The following NEIL3 variants were observed in gnomAD, a reference collection of about 807,000 sequenced individuals.
NEIL3 encodes the protein endonuclease 8-like 3.
NEIL3 carries 48 observed loss-of-function variants against 57.5 expected under a neutral mutation model. That is an observed-to-expected ratio of 0.83 (90% CI 0.66 to 1.06). The LOEUF is 1.06. Among genes scored for constraint, NEIL3 ranks in the 50% least tolerant of loss-of-function variants. The pLI, the probability that NEIL3 is intolerant of heterozygous loss-of-function variation, is 0.00. For synonymous variants in NEIL3, 261 were observed against 253.2 expected, an observed-to-expected ratio of 1.03 and a Z score of -0.29; for missense variants, 717 against 739.1, an observed-to-expected ratio of 0.97 and a Z score of 0.35.
chr4:177,335,261 G>A (rs1345158258), intron 2 of NEIL3, among the ~76,000 whole-genome samples: 1 of 152,164 alleles, frequency 6.6e-6, no homozygotes, highest in African/African-American at 2.4e-5. Context: ...TAGTGGCTTT[G>A]TAGAATTTAT....
intron 2 of NEIL3, among the ~76,000 whole-genome samples, chr4:177,326,047 A>G (rs1734773729): frequency 6.6e-6 from 1 of 150,898 alleles, no homozygotes; most frequent in Non-Finnish European, 1.5e-5. Flanking sequence ...TTTAAGTTTG[A>G]TGAAACCTAA....
At chr4:177,320,756 C>G (rs1734668991) in intron 1 of NEIL3, among the ~76,000 whole-genome samples, 1 of 151,892 alleles carries the variant, frequency 6.6e-6, no homozygotes, top group South Asian at 2.1e-4. Context: ...CGTGAGCCAC[C>G]GCGCCGGGCC....
chr4:177,363,854 G>A (rs969776406), downstream of NEIL3, among the ~76,000 whole-genome samples: 1 of 152,056 alleles, frequency 6.6e-6, no homozygotes, highest in Non-Finnish European at 1.5e-5. Context: ...GGACTCAAGC[G>A]ATCCCCTAGC....
rs1235095997 is a variant in NEIL3, at chr4:177,332,018, A to G, written c.279-3670A>G. Among the ~76,000 whole-genome samples the G allele has an allele frequency of 2.6e-5, 4 of 152,316 alleles. No individual in the cohort carries two copies. The East Asian group carries it at 5.8e-4, about 22-fold the overall frequency. ...CTCTCCATGTTCTTACCTCTCCACC[A>G]TGTAGACTGCTGTCGCTTGTGACTC... On this transcript the variant is annotated intron_variant, in intron 2 of 9. Coordinates refer to ENST00000264596, the MANE Select transcript of NEIL3 (RefSeq NM_018248.3).
At chr4:177,353,766 T>C (rs1262860584) in intron 8 of NEIL3, 38 bp downstream of exon 8, 2 of 161,548 alleles carry the variant, frequency 1.2e-5, no homozygotes, top group South Asian at 1.5e-4. Flanking sequence ...AGATAATTGC[T>C]TTTTTTTTTT....
At chr4:177,346,824 C>G (rs983731829) in intron 6 of NEIL3, among the ~76,000 whole-genome samples, 1 of 151,954 alleles carries the variant, frequency 6.6e-6, no homozygotes, top group African/African-American at 2.4e-5. Context: ...ATGTGGGAAA[C>G]CCCATCTCTA....
At chr4:177,339,230 C>T (rs959463911) in intron 4 of NEIL3, among the ~76,000 whole-genome samples, 4 of 152,204 alleles carry the variant, frequency 2.6e-5, no homozygotes, top group African/African-American at 9.7e-5. Context: ...CACACATATT[C>T]TGTATGTTTT....
At chr4:177,351,628 C>T in intron 7 of NEIL3, 79 bp downstream of exon 7, 1 of 1,122,866 alleles carries the variant, frequency 8.9e-7, no homozygotes, top group Non-Finnish European at 1.3e-6. Context: ...TATCTTGCTC[C>T]ATCTTGATAT....
At chr4:177,329,548 A>C (rs995291293) in intron 2 of NEIL3, among the ~76,000 whole-genome samples, 3 of 152,212 alleles carry the variant, frequency 2.0e-5, no homozygotes, top group Admixed American at 2.0e-4. Flanking sequence ...AAAATGTAGT[A>C]ATCCTAATAG....
chr4:177,348,137 T>C (rs1278330212), intron 6 of NEIL3, among the ~76,000 whole-genome samples: 1 of 152,192 alleles, frequency 6.6e-6, no homozygotes, highest in Non-Finnish European at 1.5e-5. Flanking sequence ...GTACCAGCAT[T>C]TTCTGAAGGG....
chr4:177,340,366 T>C (rs1465752745), intron 5 of NEIL3, among the ~76,000 whole-genome samples: 1 of 152,250 alleles, frequency 6.6e-6, no homozygotes, highest in Non-Finnish European at 1.5e-5. Context: ...AAGGAAGGAC[T>C]TGCTGACTTG....
rs1735638866 is a variant in NEIL3, at chr4:177,362,898, T to A, written c.*427T>A. 1 of 152,248 alleles carries A rather than the reference T, an allele frequency of 6.6e-6. No individual in the cohort carries two copies. The highest frequency in any genetic ancestry group is 2.4e-5 in the African/African-American group (1 of 41,470). The allele number at this position is 152,248 out of a possible 1,614,324, so 9.4% of individuals were successfully genotyped here. A position where few individuals can be genotyped will look rare whatever the true frequency, so the allele number is the denominator to read the frequency against. ...TTTATAATATATGATTAAAGATATTTCTTGTTTTATTAAATAATAAGAAAT... is the reference window on the plus strand; with the variant it reads ...TTTATAATATATGATTAAAGATATTACTTGTTTTATTAAATAATAAGAAAT... On this transcript the variant is annotated 3_prime_UTR_variant, in exon 10 of 10. Transcript: ENST00000264596.
intron 1 of NEIL3, among the ~76,000 whole-genome samples, chr4:177,319,854 A>G (rs984697157): frequency 6.6e-6 from 1 of 152,164 alleles, no homozygotes; most frequent in Non-Finnish European, 1.5e-5. Context: ...AAAAGCTAGA[A>G]AATTTCACAG....
At chr4:177,369,293 A>G in the NEIL3 span, among the ~76,000 whole-genome samples, 3 of 152,240 alleles carry the variant, frequency 2.0e-5, no homozygotes, top group Non-Finnish European at 2.9e-5. Context: ...GGCAGCAGGC[A>G]TAGCATATAC....
At chr4:177,360,447 G>T in intron 8 of NEIL3, 56 bp from the exon 9 acceptor site, 1 of 1,303,114 alleles carries the variant, frequency 7.7e-7, no homozygotes, top group Non-Finnish European at 1.0e-6. Flanking sequence ...GTAAAGTGGT[G>T]TGAATGGTCC....
At chr4:177,330,894 ACTTGCCAC>A (rs1734872300) in intron 2 of NEIL3, among the ~76,000 whole-genome samples, 1 of 152,222 alleles carries the variant, frequency 6.6e-6, no homozygotes, top group African/African-American at 2.4e-5. Context: ...TCCAGTGCTC[ACTTGCCAC>A]ATGTGGGTAG....
chr4:177,336,031 C>T, intron 3 of NEIL3, 77 bp from the exon 4 acceptor site: 2 of 1,274,936 alleles, frequency 1.6e-6, no homozygotes, highest in South Asian at 2.7e-5. Flanking sequence ...GTGCTTATAG[C>T]AAAGCTCATT....
downstream of NEIL3, among the ~76,000 whole-genome samples, chr4:177,365,426 A>G (rs961921228): frequency 6.6e-6 from 1 of 152,232 alleles, no homozygotes; most frequent in African/African-American, 2.4e-5. Flanking sequence ...TTTGCCAAGT[A>G]TACAATACAA....
Position 177,353,313 on chromosome 4 carries a change from G to T in NEIL3, c.1045G>T (p.Val349Leu). The T allele has an allele frequency of 1.2e-6, 2 of 1,608,060 alleles. No individual in the cohort carries two copies. The highest frequency in any genetic ancestry group is 1.7e-6 in the Non-Finnish European group (2 of 1,178,258). ...TTACTTCTCTCTCCTTCCAGATTCA[G>T]TGCTCAAGAGTGAAGAAAATTCTAC... The part of the protein sequence containing the change: ...ACLTSRPIDS[V>L]LKSEENSTVF... Residue 349 changes from valine to leucine, a missense_variant, in exon 8 of 10, where the codon GTG becomes TTG. By Grantham distance (32) the Val-to-Leu change is conservative. Transcript: ENST00000264596.
Sources: allele counts gnomAD v4.1 joint callset (sites outside exome capture counted in the v4.1 genomes callset), GRCh38; gene constraint gnomAD v4.1.1; transcripts MANE v1.5; gene names NCBI Gene and HGNC (gene_info 2026-07-23, HGNC 2026-07-21).